Variants in QSOX2 observed in about 807,000 individuals in gnomAD.
QSOX2 encodes the protein quiescin sulfhydryl oxidase 2.
QSOX2 carries 46 observed loss-of-function variants against 61.7 expected under a neutral mutation model. The observed-to-expected ratio is 0.75, with a 90% CI of 0.59 to 0.95. The LOEUF (loss-of-function observed/expected upper bound fraction) is 0.95, where lower values mean the gene tolerates loss of function less well. QSOX2 is among the 40% of genes least tolerant of loss of function. QSOX2 has a pLI of 0.00. For missense variants in QSOX2, 879 were observed against 918.9 expected, an observed-to-expected ratio of 0.96 and a Z score of 0.56; for synonymous variants, 383 against 388.4, an observed-to-expected ratio of 0.99 and a Z score of 0.16.
chr9:136,208,641 C>A lies in QSOX2; in HGVS notation c.*87G>T. The A allele has an allele frequency of 6.9e-7, 1 of 1,450,386 alleles. No homozygotes were observed. Among genetic ancestry groups the A allele is most frequent in the Non-Finnish European group, 9.2e-7 (1 of 1,089,792 alleles). The allele number at this position is 1,450,386 out of a possible 1,614,324, so 89.8% of individuals were successfully genotyped here. On this transcript the variant is annotated 3_prime_UTR_variant, in exon 12 of 12. Coordinates refer to ENST00000358701, the MANE Select transcript of QSOX2 (RefSeq NM_181701.4). ...ACCAGGCCCGCATGTTTATAAAATC[C>A]CTGATCATAAATATTAAAGCTGCAG...
intron 11 of QSOX2, chr9:136,210,415 CAGGTCCAGGCAGGCCTGG>C: frequency 4.1e-6 from 4 of 985,432 alleles, no homozygotes; most frequent in Middle Eastern, 1.0e-3. Context: ...GCAGGGGCTC[CAGGTCCAGGCAGGCCTGG>C]CGAGGGTCCT....
At chr9:136,226,690 A>G in intron 2 of QSOX2, 84 bp downstream of exon 2, 1 of 1,144,974 alleles carries the variant, frequency 8.7e-7, no homozygotes, top group Non-Finnish European at 1.3e-6. Context: ...GGCGAATTTC[A>G]ACAGACAAGC....
Position 136,245,496 on chromosome 9 carries a change from G to A in QSOX2, c.308C>T (p.Ala103Val), listed in dbSNP as rs782021344. ...CTCACCTCGCACATCCCCAGCCAGG[G>A]CCCGCCAAGTGGGCGCGTAGCCGAT... ...HCIGYAPTWR[A>V]LAGDVRDWAS... The change falls in exon 1 of 12, where the codon GCC becomes GTC. Residue 103 changes from alanine to valine, a missense_variant. Transcript: ENST00000358701. 3.8e-6 allele frequency: 6 copies of A among 1,592,688 alleles called. No individual in the cohort carries two copies. Among genetic ancestry groups the A allele is most frequent in the South Asian group, 2.2e-5 (2 of 90,714 alleles).
In QSOX2 at chr9:136,221,870, C is replaced by T; in HGVS notation, c.747G>A (p.Leu249=). 2 of 1,612,910 alleles carry T rather than the reference C, an allele frequency of 1.2e-6. No homozygotes were observed. Among genetic ancestry groups the T allele is most frequent in the Non-Finnish European group, 1.7e-6 (2 of 1,179,492 alleles). The change falls in exon 6 of 12, where the codon CTG becomes CTA. Residue 249 remains leucine (L), a synonymous_variant. Transcript: ENST00000358701. This position sits in a 1 kb window ranked among gnomAD's most constrained non-coding sequence, Gnocchi z 4.5. ...GGACTGAAGAAACACCAAGTTTCTC[C>T]AGAAATGCTTTGTCCCCGTCCAGTG... ...TRALDGDKAF[L]EKLGVSSVPS... is the part of the protein sequence containing the mutation.
At position 136,224,873 on chromosome 9, in the gene QSOX2, C is replaced by A. The variant is rs773415345; in HGVS notation, c.466G>T (p.Glu156Ter). 2.5e-6 allele frequency: 4 copies of A among 1,600,746 alleles called. No homozygotes were observed. The highest frequency in any genetic ancestry group is 3.4e-6 in the Non-Finnish European group (4 of 1,170,886). The change falls in exon 3 of 12, where the codon GAA (glutamate) becomes TAA (stop). Residue 156 changes from glutamate to a stop codon, truncating the protein, a stop_gained. Coordinates refer to ENST00000358701, the MANE Select transcript of QSOX2 (RefSeq NM_181701.4). LOFTEE classifies it high-confidence loss of function. ...CTTATGTCCTTACCTTTAAAATTTT[C>A]TCCAGTTGTAAACTCCTTTGTAAAT... ...KAFTKEFTTG[E>*]NFKGPDRELR...
intron 10 of QSOX2, among the ~76,000 whole-genome samples, chr9:136,213,578 C>A (rs547407857): frequency 6.6e-6 from 1 of 151,846 alleles, no homozygotes; most frequent in East Asian, 1.9e-4. Context: ...CCCAACCAGA[C>A]CCCCGAGAAG....
chr9:136,244,484 G>C (rs934826251), intron 1 of QSOX2, among the ~76,000 whole-genome samples: 3 of 152,200 alleles, frequency 2.0e-5, no homozygotes, highest in Non-Finnish European at 4.4e-5. Flanking sequence ...TGGGTGTAAG[G>C]CATAAAAACA....
At position 136,224,911 on chromosome 9, in the gene QSOX2, TAA is replaced by T; in HGVS notation, c.430-4_430-3del. On this transcript the variant is annotated splice_polypyrimidine_tract_variant and splice_region_variant and intron_variant, in intron 2 of 11. Transcript: ENST00000358701. Reference sequence around the variant, plus strand: ...CTCCTTTGTAAATGCTTTAAAATACTAAGAGGAAAAACACAGAACAAGTAAGA... The same window carrying T: ...CTCCTTTGTAAATGCTTTAAAATACTGAGGAAAAACACAGAACAAGTAAGA... 1 of 1,603,874 alleles carries T rather than the reference TAA, an allele frequency of 6.2e-7. No homozygotes were observed. The highest frequency in any genetic ancestry group is 8.5e-7 in the Non-Finnish European group (1 of 1,174,338).
chr9:136,215,176 G>A lies in QSOX2; in HGVS notation c.1338C>T (p.His446=). The change falls in exon 10 of 12, where the codon CAC becomes CAT. Residue 446 remains histidine (H), a synonymous_variant. Coordinates refer to ENST00000358701, the MANE Select transcript of QSOX2 (RefSeq NM_181701.4). The part of the protein sequence containing the change: ...FHTLTVEAST[H]PDALVGTGFE... The stretch of plus-strand genomic sequence containing the variant: ...TACCTGTGCCAACCAGTGCATCTGG[G>A]TGGGTCGAGGCTTCAACAGTCAAAG... The A allele has an allele frequency of 6.2e-7, 1 of 1,614,030 alleles. No individual in the cohort carries two copies.
At chr9:136,219,689 C>T (rs961861963) in intron 6 of QSOX2, among the ~76,000 whole-genome samples, 1 of 152,196 alleles carries the variant, frequency 6.6e-6, no homozygotes, top group African/African-American at 2.4e-5. Context: ...CAGGGTGGAG[C>T]TGCCTTCTGA....
In QSOX2 at chr9:136,221,414, C is replaced by A. The variant is rs1184854833; in HGVS notation, c.821+382G>T. 3.9e-5 allele frequency among the ~76,000 whole-genome samples: 6 copies of A among 152,212 alleles called. No homozygotes were observed. The highest frequency in any genetic ancestry group is 7.3e-5 in the Non-Finnish European group (5 of 68,032). On this transcript the variant is annotated intron_variant, in intron 6 of 11. Transcript: ENST00000358701. This position sits in a 1 kb window ranked among gnomAD's most constrained non-coding sequence, Gnocchi z 4.5. Reference sequence around the variant, plus strand: ...GGGCACGTGGGCTTGTCTGCCAGCCCCAGACACAGACCCAAACTGCATCCC... The same window carrying A: ...GGGCACGTGGGCTTGTCTGCCAGCCACAGACACAGACCCAAACTGCATCCC...
At chr9:136,232,124 T>G (rs1386402963) in intron 1 of QSOX2, among the ~76,000 whole-genome samples, 2 of 152,166 alleles carry the variant, frequency 1.3e-5, no homozygotes, top group Non-Finnish European at 2.9e-5. Flanking sequence ...ACCAGTTTTT[T>G]TTCTCTCATC....
chr9:136,222,237 C>T lies in QSOX2; in HGVS notation c.676-296G>A, dbSNP rs1370849029. Among the ~76,000 whole-genome samples the T allele has an allele frequency of 6.6e-6, 1 of 152,252 alleles. No homozygotes were observed. Among genetic ancestry groups the T allele is most frequent in the Admixed American group, 6.5e-5 (1 of 15,288 alleles). On this transcript the variant is annotated intron_variant, in intron 5 of 11. Transcript: ENST00000358701. The surrounding 1 kb of genome is among the most constrained non-coding windows in gnomAD (Gnocchi z 6.9). ...TAAAACCAGCGCGCCCCCCACAACA[C>T]TGATACTGGTCAAGTGAGTCCCTGC...
chr9:136,216,743 C>T (rs1207746669), intron 8 of QSOX2, 21 bp from the exon 9 acceptor site: 4 of 1,612,204 alleles, frequency 2.5e-6, no homozygotes, highest in East Asian at 2.2e-5. Context: ...AAGGAGCCAC[C>T]TGAGAGCTAC....
Position 136,222,851 on chromosome 9 carries a change from G to C in QSOX2, c.676-910C>G, listed in dbSNP as rs1164087961. Reference sequence around the variant, plus strand: ...CCGCCCGAGACAGCAAGGGCACGAGGGGCCTTGGGACAGGGGTGAGGGGTC... The same window carrying C: ...CCGCCCGAGACAGCAAGGGCACGAGCGGCCTTGGGACAGGGGTGAGGGGTC... On this transcript the variant is annotated intron_variant, in intron 5 of 11. Coordinates refer to ENST00000358701, the MANE Select transcript of QSOX2 (RefSeq NM_181701.4). This position sits in a 1 kb window ranked among gnomAD's most constrained non-coding sequence, Gnocchi z 6.9. Among the ~76,000 whole-genome samples the C allele has an allele frequency of 6.6e-6, 1 of 152,246 alleles. No homozygotes were observed. The highest frequency in any genetic ancestry group is 1.5e-5 in the Non-Finnish European group (1 of 68,046).
At chr9:136,219,700 G>A (rs1831958580) in intron 6 of QSOX2, among the ~76,000 whole-genome samples, 1 of 152,178 alleles carries the variant, frequency 6.6e-6, no homozygotes. Flanking sequence ...TGCCTTCTGA[G>A]GACACCCTCA....
chr9:136,228,393 A>C (rs1184526665), intron 1 of QSOX2, among the ~76,000 whole-genome samples: 1 of 152,192 alleles, frequency 6.6e-6, no homozygotes, highest in Non-Finnish European at 1.5e-5. Flanking sequence ...TATCAAAGTC[A>C]TGGTTTCCGA....
In QSOX2 at chr9:136,245,488, C is replaced by T; in HGVS notation, c.316G>A (p.Gly106Arg). 1.3e-6 allele frequency: 2 copies of T among 1,592,270 alleles called. No individual in the cohort carries two copies. The highest frequency in any genetic ancestry group is 1.7e-6 in the Non-Finnish European group (2 of 1,176,764). Reference sequence around the variant, plus strand: ...GGGCGCGCCTCACCTCGCACATCCCCAGCCAGGGCCCGCCAAGTGGGCGCG... The same window carrying T: ...GGGCGCGCCTCACCTCGCACATCCCTAGCCAGGGCCCGCCAAGTGGGCGCG... The part of the protein sequence containing the change: ...GYAPTWRALA[G>R]DVRDWASAIR... Residue 106 changes from glycine (G) to arginine (R), a missense_variant, in exon 1 of 12, where the codon GGG becomes AGG. Transcript: ENST00000358701.
intron 1 of QSOX2, among the ~76,000 whole-genome samples, chr9:136,241,488 C>T (rs1830433217): frequency 6.6e-6 from 1 of 152,184 alleles, no homozygotes; most frequent in African/African-American, 2.4e-5. Context: ...GAGCTGGCAG[C>T]AATCACAGAA....
Sources: allele counts gnomAD v4.1 joint callset (sites outside exome capture counted in the v4.1 genomes callset), GRCh38; gene constraint gnomAD v4.1.1; non-coding constraint Gnocchi (gnomAD v3.1); transcripts MANE v1.5; gene names NCBI Gene and HGNC (gene_info 2026-07-23, HGNC 2026-07-21).